The following RUNX2 variants were observed in gnomAD, a reference collection of about 807,000 sequenced individuals.
The protein encoded by RUNX2 is runt-related transcription factor 2.
RUNX2 carries 10 observed loss-of-function variants against 51.7 expected under a neutral mutation model. That is an observed-to-expected ratio of 0.19 (90% CI 0.12 to 0.33). RUNX2 has a LOEUF of 0.33. RUNX2 is among the 10% of genes least tolerant of loss of function. The pLI is 1.00. For synonymous variants in RUNX2, 276 were observed against 273.6 expected, an observed-to-expected ratio of 1.01 and a Z score of -0.09; for missense variants, 562 against 691.3, an observed-to-expected ratio of 0.81 and a Z score of 2.10.
rs1398447552 is a variant in RUNX2 at position 45,549,012 on chromosome 6, C to T, written c.*1707C>T. On this transcript the variant is annotated 3_prime_UTR_variant, in exon 9 of 9. Coordinates refer to ENST00000647337, the MANE Select transcript of RUNX2 (RefSeq NM_001024630.4). ...CAGACAGCCTTTGACATTTGTATTT[C>T]TTACAATGGAGGGCCAAGGAGGGCA... The T allele has an allele frequency of 5.0e-6, 2 of 397,834 alleles. No individual in the cohort carries two copies. Among genetic ancestry groups the T allele is most frequent in the African/African-American group, 4.1e-5 (2 of 48,606 alleles). 24.6% of individuals were successfully genotyped at this position (397,834 alleles called of 1,614,324 possible).
intron 6 of RUNX2, among the ~76,000 whole-genome samples, chr6:45,495,350 T>C (rs1446013846): frequency 6.6e-6 from 1 of 152,250 alleles, no homozygotes; most frequent in Non-Finnish European, 1.5e-5. Flanking sequence ...GCATTAACTC[T>C]TCTTTCTAAT....
At chr6:45,384,446 A>G (rs1260341821) in intron 2 of RUNX2, among the ~76,000 whole-genome samples, 1 of 151,846 alleles carries the variant, frequency 6.6e-6, no homozygotes, top group Non-Finnish European at 1.5e-5. Context: ...CACCACGCCC[A>G]GCTAATTTTT....
rs75454554 is a variant in RUNX2 at position 45,328,734 on chromosome 6, C to T, written c.8C>T (p.Ser3Leu). The T allele has an allele frequency of 6.2e-7, 1 of 1,611,972 alleles. No homozygotes were observed. Among genetic ancestry groups the T allele is most frequent in the Non-Finnish European group, 8.5e-7 (1 of 1,178,692 alleles). The change falls in exon 2 of 9, where the codon TCA becomes TTA. Residue 3 changes from serine to leucine, a missense_variant. By Grantham distance (145) the Ser-to-Leu change is moderately radical. Coordinates refer to ENST00000647337, the MANE Select transcript of RUNX2 (RefSeq NM_001024630.4). MA[S>L]NSLFSTVTPC... is the part of the protein sequence containing the mutation. ...AAAAAAAAAGGAGGGACTATGGCAT[C>T]AAACAGCCTCTTCAGCACAGTGACA...
chr6:45,389,079 TCTA>T (rs1270808565), intron 2 of RUNX2, among the ~76,000 whole-genome samples: 1 of 152,230 alleles, frequency 6.6e-6, no homozygotes, highest in Non-Finnish European at 1.5e-5. Flanking sequence ...ACCTTCGGCT[TCTA>T]CTACTACTTG....
chr6:45,345,165 CTT>C (rs1008886598), intron 2 of RUNX2, among the ~76,000 whole-genome samples: 27 of 152,234 alleles, frequency 1.8e-4, no homozygotes, highest in Middle Eastern at 3.4e-3. Context: ...TTATAAAAAT[CTT>C]TGACACTTTA....
intron 2 of RUNX2, among the ~76,000 whole-genome samples, chr6:45,360,034 T>C (rs1002032766): frequency 6.6e-6 from 1 of 152,238 alleles, no homozygotes; most frequent in South Asian, 2.1e-4. Context: ...TATAGCACAG[T>C]AGTCACACAT....
At chr6:45,532,833 C>A (rs1234367922) in intron 7 of RUNX2, among the ~76,000 whole-genome samples, 1 of 151,532 alleles carries the variant, frequency 6.6e-6, no homozygotes, top group African/African-American at 2.4e-5. Context: ...AGAACTTCCA[C>A]TGTTTGAGGA....
At position 45,495,117 on chromosome 6, in the gene RUNX2, C is replaced by T. The variant is rs78110546; in HGVS notation, c.859+3003C>T. On this transcript the variant is annotated intron_variant, in intron 6 of 8. Transcript: ENST00000647337. ...AACCTTCATCCAAAGGCAGTTCATC[C>T]ACCCTCTAAGCTTTAGTTAAGATTG... 7.3e-3 allele frequency among the ~76,000 whole-genome samples: 1,107 copies of T among 152,342 alleles called. 14 individuals are homozygous for T. Among genetic ancestry groups the T allele is most frequent in the African/African-American group, 0.025 (1,031 of 41,570 alleles).
chr6:45,450,742 A>C (rs1273387003), intron 5 of RUNX2, among the ~76,000 whole-genome samples: 1 of 152,180 alleles, frequency 6.6e-6, no homozygotes, highest in Non-Finnish European at 1.5e-5. Context: ...CAAAAGGTAC[A>C]TTGTGTGCAA....
In RUNX2 at chr6:45,362,274, T is replaced by C. The variant is rs148396581; in HGVS notation, c.58+33490T>C. Among the ~76,000 whole-genome samples, 735 of 152,280 alleles carry C rather than the reference T, an allele frequency of 4.8e-3. 4 individuals carry two copies. The highest frequency in any genetic ancestry group is 0.017 in the African/African-American group (701 of 41,544). On this transcript the variant is annotated intron_variant, in intron 2 of 8. Coordinates refer to ENST00000647337, the MANE Select transcript of RUNX2 (RefSeq NM_001024630.4). The stretch of plus-strand genomic sequence containing the variant: ...ATTCCCCAGAAATGACACTACAATA[T>C]TGTTACTTATTTAGACACCAGGGAG...
chr6:45,353,291 A>C (rs1792451278), intron 2 of RUNX2, among the ~76,000 whole-genome samples: 1 of 152,106 alleles, frequency 6.6e-6, no homozygotes, highest in Non-Finnish European at 1.5e-5. Flanking sequence ...TGATAAAATG[A>C]TTCCTAAAAA....
chr6:45,502,333 A>G (rs1800820990), intron 6 of RUNX2, among the ~76,000 whole-genome samples: 1 of 152,178 alleles, frequency 6.6e-6, no homozygotes, highest in Non-Finnish European at 1.5e-5. Flanking sequence ...TTAAATCAAA[A>G]TAGGGTTCGG....
At chr6:45,336,710 T>C (rs2150111682) in intron 2 of RUNX2, among the ~76,000 whole-genome samples, 1 of 151,520 alleles carries the variant, frequency 6.6e-6, no homozygotes, top group South Asian at 2.1e-4. Context: ...GTATTTTTAA[T>C]AAAGTATTTA....
chr6:45,345,725 T>C (rs1271546402), intron 2 of RUNX2, among the ~76,000 whole-genome samples: 2 of 152,186 alleles, frequency 1.3e-5, no homozygotes, highest in Non-Finnish European at 2.9e-5. Flanking sequence ...GCATTATCAA[T>C]TCTTCTTAAT....
At chr6:45,483,098 T>C (rs1184207187) in intron 5 of RUNX2, among the ~76,000 whole-genome samples, 1 of 152,210 alleles carries the variant, frequency 6.6e-6, no homozygotes, top group Non-Finnish European at 1.5e-5. Flanking sequence ...ACACTAACAT[T>C]GTTCTAGGGC....
intron 2 of RUNX2, among the ~76,000 whole-genome samples, chr6:45,397,397 C>A (rs1797607406): frequency 6.6e-6 from 1 of 152,150 alleles, no homozygotes; most frequent in South Asian, 2.1e-4. Context: ...GCGTGAGCAA[C>A]CATGCCCGGC....
At chr6:45,332,068 C>G (rs1199032332) in intron 2 of RUNX2, among the ~76,000 whole-genome samples, 1 of 151,916 alleles carries the variant, frequency 6.6e-6, no homozygotes, top group African/African-American at 2.4e-5. Flanking sequence ...ACTCACTGTA[C>G]TCCAATACTT....
At position 45,532,162 on chromosome 6, in the gene RUNX2, ATTTTTTTTTTT is replaced by A. The variant is rs3055521; in HGVS notation, c.1022-13040_1022-13030del. Among the ~76,000 whole-genome samples the A allele has an allele frequency of 3.1e-4, 26 of 85,130 alleles. No individual in the cohort carries two copies. In the East Asian group the frequency reaches 7.5e-3, roughly 24 times the overall value. 55.8% of individuals were successfully genotyped at this position (85,130 alleles called of 152,430 possible). A position where few individuals can be genotyped will look rare whatever the true frequency, so the allele number is the denominator to read the frequency against. On this transcript the variant is annotated intron_variant, in intron 7 of 8. Coordinates refer to ENST00000647337, the MANE Select transcript of RUNX2 (RefSeq NM_001024630.4). ...GACATTTTGTACATAGAAAACCTAG[ATTTTTTTTTTT>A]TTTTTTTTTTTTTTGCACATTGAAT...
At chr6:45,506,911 C>T (rs1800985694) in intron 6 of RUNX2, among the ~76,000 whole-genome samples, 1 of 151,976 alleles carries the variant, frequency 6.6e-6, no homozygotes, top group East Asian at 1.9e-4. Context: ...CCAACTTGGC[C>T]TTCCAAAGTA....
Sources: allele counts gnomAD v4.1 joint callset (sites outside exome capture counted in the v4.1 genomes callset), GRCh38; gene constraint gnomAD v4.1.1; transcripts MANE v1.5; gene names NCBI Gene and HGNC (gene_info 2026-07-23, HGNC 2026-07-21).